The following PDE11A variants were observed in gnomAD, a reference collection of about 807,000 sequenced individuals.
PDE11A encodes the protein phosphodiesterase 11A, also known as dual 3',5'-cyclic-AMP and -GMP phosphodiesterase 11A.
A neutral mutation model predicts 100.5 loss-of-function variants in PDE11A; 100 were observed. The observed-to-expected ratio is 1.00, with a 90% CI of 0.85 to 1.18. The LOEUF (loss-of-function observed/expected upper bound fraction) is 1.18. Ranked by LOEUF, PDE11A falls within the 50% of genes most tolerant of loss-of-function variation. PDE11A has a pLI of 0.00. For missense variants in PDE11A, 1,141 were observed against 1,152.6 expected (o/e 0.99, Z 0.15); for synonymous variants, 381 against 420.8 (o/e 0.91, Z 1.16).
chr2:177,785,822 C>T lies in PDE11A; in HGVS notation c.1738-16449G>A, dbSNP rs374821530. 7.9e-5 allele frequency among the ~76,000 whole-genome samples: 12 copies of T among 152,302 alleles called. No homozygotes were observed. In the South Asian group the frequency reaches 8.3e-4, roughly 11 times the overall value. ...CTGAGATCAAACTGCAAGGCGGCAGCGAGGCTGGGGGAGGGGCGCCCACCA... is the reference window on the plus strand; with the variant it reads ...CTGAGATCAAACTGCAAGGCGGCAGTGAGGCTGGGGGAGGGGCGCCCACCA... On this transcript the variant is annotated intron_variant, in intron 9 of 19. Coordinates refer to ENST00000286063, the MANE Select transcript of PDE11A (RefSeq NM_016953.4).
intron 9 of PDE11A, among the ~76,000 whole-genome samples, chr2:177,774,377 A>G (rs1354668748): frequency 1.3e-5 from 2 of 152,172 alleles, no homozygotes; most frequent in Non-Finnish European, 2.9e-5. Flanking sequence ...GCTCGTGTCA[A>G]GGCTTTCAAT....
intron 16 of PDE11A, among the ~76,000 whole-genome samples, chr2:177,677,166 T>C (rs1360226002): frequency 2.0e-5 from 3 of 152,226 alleles, no homozygotes; most frequent in African/African-American, 7.2e-5. Flanking sequence ...CATTAATCAG[T>C]TGATCAACAA....
At chr2:177,659,920 AGGGCT>A (rs1168888317) in intron 19 of PDE11A, among the ~76,000 whole-genome samples, 6 of 152,302 alleles carry the variant, frequency 3.9e-5, no homozygotes, top group African/African-American at 1.4e-4. Context: ...CTAACTAACC[AGGGCT>A]TGAGTCTTCT....
chr2:177,885,201 A>AGTGTGTGTGTGT (rs5836630), intron 4 of PDE11A, among the ~76,000 whole-genome samples: 12 of 149,404 alleles, frequency 8.0e-5, no homozygotes, highest in African/African-American at 2.7e-4. Flanking sequence ...TAATGATGTG[A>AGTGTGTGTGTGT]GTGTGTGTGT....
At chr2:177,701,870 G>A (rs2081202854) in intron 13 of PDE11A, among the ~76,000 whole-genome samples, 1 of 152,138 alleles carries the variant, frequency 6.6e-6, no homozygotes, top group Non-Finnish European at 1.5e-5. Flanking sequence ...GGATTTGGAG[G>A]GAAATCTCAG....
At chr2:177,866,134 G>A (rs557465321) in intron 5 of PDE11A, among the ~76,000 whole-genome samples, 1 of 152,260 alleles carries the variant, frequency 6.6e-6, no homozygotes, top group East Asian at 1.9e-4. Flanking sequence ...TACTTATTGA[G>A]TAGCCTACCA....
intron 2 of PDE11A, among the ~76,000 whole-genome samples, chr2:177,939,126 CAACCAGG>C (rs2085313114): frequency 6.6e-6 from 1 of 152,184 alleles, no homozygotes; most frequent in Admixed American, 6.5e-5. Context: ...GCATAACATG[CAACCAGG>C]AACTTCTATA....
At chr2:177,848,650 G>C (rs76435482) in intron 5 of PDE11A, among the ~76,000 whole-genome samples, 20,515 of 152,114 alleles carry the variant, frequency 0.13, 1,507 homozygotes, top group Middle Eastern at 0.27. Context: ...AAAGAGAATT[G>C]CCCTATTACA....
intron 15 of PDE11A, among the ~76,000 whole-genome samples, chr2:177,694,422 T>C (rs2105527947): frequency 6.6e-6 from 1 of 152,252 alleles, no homozygotes; most frequent in South Asian, 2.1e-4. Flanking sequence ...TCAAGGAGCA[T>C]TAATCCAGAA....
chr2:177,797,751 C>T (rs1425045753), intron 9 of PDE11A, among the ~76,000 whole-genome samples: 3 of 152,070 alleles, frequency 2.0e-5, no homozygotes, highest in African/African-American at 7.2e-5. Context: ...CATTTGAGAG[C>T]AGATTTGATT....
In PDE11A at chr2:177,627,490, C is replaced by T. The variant is rs1178169230; in HGVS notation, c.*1917G>A. On this transcript the variant is annotated 3_prime_UTR_variant, in exon 20 of 20. Coordinates refer to ENST00000286063, the MANE Select transcript of PDE11A (RefSeq NM_016953.4). Reference sequence around the variant, plus strand: ...ACTGTGTGCCAGGAAAACAATGTCGCATGTAGAACATGGCCCCTATTTCTT... The same window carrying T: ...ACTGTGTGCCAGGAAAACAATGTCGTATGTAGAACATGGCCCCTATTTCTT... The T allele has an allele frequency of 6.6e-6, 1 of 152,044 alleles. No homozygotes were observed. Among genetic ancestry groups the T allele is most frequent in the Non-Finnish European group, 1.5e-5 (1 of 68,020 alleles). The allele number at this position is 152,044 out of a possible 1,614,324, so 9.4% of individuals were successfully genotyped here.
intron 5 of PDE11A, among the ~76,000 whole-genome samples, chr2:177,862,849 A>T (rs1324863662): frequency 6.6e-6 from 1 of 151,946 alleles, no homozygotes; most frequent in Non-Finnish European, 1.5e-5. Context: ...ATTTGTATAA[A>T]ACCATAAAAG....
At chr2:177,726,942 T>A (rs1253438868) in intron 12 of PDE11A, among the ~76,000 whole-genome samples, 1 of 152,048 alleles carries the variant, frequency 6.6e-6, no homozygotes, top group Non-Finnish European at 1.5e-5. Flanking sequence ...TTGTACTTGA[T>A]GATAGTGTAA....
At chr2:178,096,981 G>T (rs1240604258) in intron 2 of PDE11A, among the ~76,000 whole-genome samples, 2 of 152,128 alleles carry the variant, frequency 1.3e-5, no homozygotes, top group Non-Finnish European at 2.9e-5. Flanking sequence ...CTGCCTCTGG[G>T]GTTCAAGCAA....
chr2:178,060,564 A>T (rs539174691), intron 1 of PDE11A, among the ~76,000 whole-genome samples: 95 of 152,318 alleles, frequency 6.2e-4, no homozygotes, highest in African/African-American at 2.2e-3. Context: ...AGAAACTAGC[A>T]ACTAGAGAGG....
At chr2:177,864,302 C>T (rs2083993965) in intron 5 of PDE11A, among the ~76,000 whole-genome samples, 1 of 152,018 alleles carries the variant, frequency 6.6e-6, no homozygotes, top group Non-Finnish European at 1.5e-5. Context: ...CTAGGTAACA[C>T]AATTGTATTG....
At chr2:178,000,495 T>C (rs2086131057) in intron 2 of PDE11A, among the ~76,000 whole-genome samples, 1 of 152,192 alleles carries the variant, frequency 6.6e-6, no homozygotes, top group Non-Finnish European at 1.5e-5. Context: ...GCACAACTTT[T>C]TAAAGCAAGA....
intron 15 of PDE11A, among the ~76,000 whole-genome samples, chr2:177,694,343 A>C (rs973341308): frequency 1.8e-4 from 28 of 152,194 alleles, no homozygotes; most frequent in Non-Finnish European, 1.6e-4. Context: ...AAAATAACAC[A>C]AGATCCTGCA....
At chr2:177,755,647 T>C (rs1206203129) in intron 10 of PDE11A, among the ~76,000 whole-genome samples, 1 of 152,218 alleles carries the variant, frequency 6.6e-6, no homozygotes, top group African/African-American at 2.4e-5. Context: ...GGTCCAGGGA[T>C]GGACAGGGGA....
Sources: allele counts gnomAD v4.1 joint callset (sites outside exome capture counted in the v4.1 genomes callset), GRCh38; gene constraint gnomAD v4.1.1; transcripts MANE v1.5; gene names NCBI Gene and HGNC (gene_info 2026-07-23, HGNC 2026-07-21).